Variants in DRC11 observed in about 807,000 individuals in gnomAD.
DRC11 encodes the protein IQ and AAA domain-containing protein 1.
At chr2:236,313,753 T>C in the DRC11 span, among the ~76,000 whole-genome samples, 2 of 152,188 alleles carry the variant, frequency 1.3e-5, no homozygotes, top group African/African-American at 4.8e-5. This position sits in a 1 kb window ranked among gnomAD's most constrained non-coding sequence, Gnocchi z 4.5. Flanking sequence ...CTTTAATACA[T>C]GCAACAACAT....
At chr2:236,355,825 A>C in the DRC11 span, among the ~76,000 whole-genome samples, 1 of 152,068 alleles carries the variant, frequency 6.6e-6, no homozygotes, top group Admixed American at 6.6e-5. Flanking sequence ...CAGGAAGAGA[A>C]GTCTTCTTCT....
chr2:236,310,832 G>A, the DRC11 span, among the ~76,000 whole-genome samples: 1 of 152,230 alleles, frequency 6.6e-6, no homozygotes, highest in South Asian at 2.1e-4. The surrounding 1 kb of genome is among the most constrained non-coding windows in gnomAD (Gnocchi z 5.5). Flanking sequence ...TGGGGAGGAT[G>A]TAATTAAGCT....
the DRC11 span, among the ~76,000 whole-genome samples, chr2:236,328,637 A>G: frequency 1.3e-5 from 2 of 152,096 alleles, no homozygotes; most frequent in South Asian, 4.1e-4. The surrounding 1 kb of genome is among the most constrained non-coding windows in gnomAD (Gnocchi z 6.7). Flanking sequence ...CCTCTCTGTT[A>G]GTGGCACTGG....
At chr2:236,355,505 A>G in the DRC11 span, among the ~76,000 whole-genome samples, 36 of 152,224 alleles carry the variant, frequency 2.4e-4, no homozygotes, top group Non-Finnish European at 4.6e-4. Context: ...CGACCCACTC[A>G]AGACTCAGGG....
chr2:236,481,973 T>G, the DRC11 span, among the ~76,000 whole-genome samples: 238 of 140,214 alleles, frequency 1.7e-3, 1 homozygote, highest in East Asian at 6.3e-3. Flanking sequence ...TATAATTCTA[T>G]GTATAATTCT....
chr2:236,459,551 ACATG>A, the DRC11 span, among the ~76,000 whole-genome samples: 1,167 of 142,392 alleles, frequency 8.2e-3, 11 homozygotes, highest in Admixed American at 0.015. Flanking sequence ...GTATACGTAT[ACATG>A]TATACGTATA....
At chr2:236,471,315 G>T in the DRC11 span, among the ~76,000 whole-genome samples, 2 of 151,970 alleles carry the variant, frequency 1.3e-5, no homozygotes, top group Non-Finnish European at 2.9e-5. This position sits in a 1 kb window ranked among gnomAD's most constrained non-coding sequence, Gnocchi z 4.6. Context: ...GGGTACTATA[G>T]ACCATACTTT....
chr2:236,369,828 C>T, the DRC11 span, among the ~76,000 whole-genome samples: 5 of 152,110 alleles, frequency 3.3e-5, no homozygotes, highest in African/African-American at 7.2e-5. This position sits in a 1 kb window ranked among gnomAD's most constrained non-coding sequence, Gnocchi z 4.5. Flanking sequence ...CCAGCATTCC[C>T]GGCACAGACA....
chr2:236,466,442 C>T, the DRC11 span, among the ~76,000 whole-genome samples: 1 of 152,112 alleles, frequency 6.6e-6, no homozygotes, highest in Non-Finnish European at 1.5e-5. Flanking sequence ...TTTTGCACTG[C>T]CGTAAAAGAA....
chr2:236,439,719 A>AT, the DRC11 span, among the ~76,000 whole-genome samples: 1 of 152,172 alleles, frequency 6.6e-6, no homozygotes, highest in South Asian at 2.1e-4. Flanking sequence ...TTTGTTTGGC[A>AT]TTTTTTATAA....
chr2:236,354,430 G>T, the DRC11 span, among the ~76,000 whole-genome samples: 1 of 152,022 alleles, frequency 6.6e-6, no homozygotes, highest in Non-Finnish European at 1.5e-5. Context: ...ATGGGAAGGT[G>T]TTGGATGGTG....
At chr2:236,506,221 C>A in the DRC11 span, among the ~76,000 whole-genome samples, 1 of 152,328 alleles carries the variant, frequency 6.6e-6, no homozygotes, top group East Asian at 1.9e-4. This position sits in a 1 kb window ranked among gnomAD's most constrained non-coding sequence, Gnocchi z 4.9. Flanking sequence ...CTTCCCCCAG[C>A]CTTACTGTGG....
chr2:236,456,693 C>A, the DRC11 span, among the ~76,000 whole-genome samples: 3 of 152,200 alleles, frequency 2.0e-5, no homozygotes, highest in African/African-American at 7.2e-5. The surrounding 1 kb of genome is among the most constrained non-coding windows in gnomAD (Gnocchi z 5.4). Context: ...TCGGCCACTG[C>A]CAGAGCTGGC....
the DRC11 span, among the ~76,000 whole-genome samples, chr2:236,449,569 G>T: frequency 6.6e-6 from 1 of 152,188 alleles, no homozygotes; most frequent in Non-Finnish European, 1.5e-5. The surrounding 1 kb of genome is among the most constrained non-coding windows in gnomAD (Gnocchi z 5.1). Context: ...TTGCACTGTC[G>T]GAGGCTGTGT....
chr2:236,449,522 C>G, the DRC11 span, among the ~76,000 whole-genome samples: 1 of 152,316 alleles, frequency 6.6e-6, no homozygotes, highest in South Asian at 2.1e-4. The surrounding 1 kb of genome is among the most constrained non-coding windows in gnomAD (Gnocchi z 5.1). Context: ...AGTCCGGAGG[C>G]GGGGGCTGGG....
At chr2:236,331,537 C>G in the DRC11 span, 1 of 1,613,948 alleles carries the variant, frequency 6.2e-7, no homozygotes, top group Non-Finnish European at 8.5e-7. This position sits in a 1 kb window ranked among gnomAD's most constrained non-coding sequence, Gnocchi z 4.8. Context: ...CGCCAGGCAG[C>G]TGACATTCAA....
At chr2:236,457,431 T>C in the DRC11 span, among the ~76,000 whole-genome samples, 4 of 152,200 alleles carry the variant, frequency 2.6e-5, no homozygotes, top group African/African-American at 9.7e-5. The surrounding 1 kb of genome is among the most constrained non-coding windows in gnomAD (Gnocchi z 4.7). Context: ...CTATAATTTC[T>C]TCCTTCATTA....
At chr2:236,316,364 T>C in the DRC11 span, among the ~76,000 whole-genome samples, 6 of 152,218 alleles carry the variant, frequency 3.9e-5, no homozygotes, top group Non-Finnish European at 8.8e-5. The surrounding 1 kb of genome is among the most constrained non-coding windows in gnomAD (Gnocchi z 6.8). Context: ...GGTTTCACCA[T>C]GTTGGTCAGG....
At chr2:236,459,552 CATGTATACGTATAT>C in the DRC11 span, among the ~76,000 whole-genome samples, 3 of 113,878 alleles carry the variant, frequency 2.6e-5, 1 homozygote, top group Non-Finnish European at 5.6e-5. Context: ...TATACGTATA[CATGTATACGTATAT>C]ATGTGTATAC....
Sources: gnomAD v4.1 joint callset for allele counts (sites outside exome capture counted in the v4.1 genomes callset) on GRCh38, gnomAD v4.1.1 for gene constraint, Gnocchi (gnomAD v3.1) non-coding constraint, MANE v1.5 for transcripts, NCBI Gene and HGNC (gene_info 2026-07-23, HGNC 2026-07-21) for gene names.